Variants in PPP3CA observed in about 807,000 individuals in gnomAD.
The protein encoded by PPP3CA is protein phosphatase 3 catalytic subunit alpha.
A neutral mutation model predicts 66.5 loss-of-function variants in PPP3CA; 14 were observed. That is an observed-to-expected ratio of 0.21 (90% CI 0.14 to 0.33). PPP3CA has a LOEUF of 0.33. Ranked by LOEUF, PPP3CA falls within the 10% of genes least tolerant of loss-of-function variation. PPP3CA has a pLI of 1.00. For missense variants in PPP3CA, 317 were observed against 639.5 expected (o/e 0.50, Z 5.44); for synonymous variants, 232 against 226.2 (o/e 1.03, Z -0.23).
chr4:101,054,068 C>T (rs113826315), intron 10 of PPP3CA, among the ~76,000 whole-genome samples: 2,281 of 152,110 alleles, frequency 0.015, 60 homozygotes, highest in African/African-American at 0.051. Context: ...GAACAAGAAT[C>T]TTATCACCAC....
At chr4:101,310,773 A>C (rs1027165897) in intron 1 of PPP3CA, among the ~76,000 whole-genome samples, 2 of 152,210 alleles carry the variant, frequency 1.3e-5, no homozygotes, top group African/African-American at 4.8e-5. Context: ...TACACAACAA[A>C]ATTCAATACA....
chr4:101,286,414 G>A (rs867442004), intron 1 of PPP3CA, among the ~76,000 whole-genome samples: 11 of 152,280 alleles, frequency 7.2e-5, no homozygotes, highest in South Asian at 4.1e-4. Flanking sequence ...TAAAATACTT[G>A]CATATACTAT....
At chr4:101,253,833 C>T (rs976674438) in intron 1 of PPP3CA, among the ~76,000 whole-genome samples, 2 of 151,908 alleles carry the variant, frequency 1.3e-5, no homozygotes, top group African/African-American at 4.8e-5. Context: ...GAAGAGGCAG[C>T]ACCTCTCTTT....
chr4:101,253,174 A>T (rs546015961), intron 1 of PPP3CA, among the ~76,000 whole-genome samples: 43 of 152,352 alleles, frequency 2.8e-4, no homozygotes, highest in Admixed American at 9.8e-4. Context: ...ATGTTTATTT[A>T]ATGAAGTTAT....
intron 1 of PPP3CA, among the ~76,000 whole-genome samples, chr4:101,266,487 G>C (rs1014049883): frequency 6.6e-6 from 1 of 152,062 alleles, no homozygotes; most frequent in Non-Finnish European, 1.5e-5. Context: ...ATTATATAGC[G>C]TGATTAATCT....
Position 101,346,724 on chromosome 4 carries a change from C to A in PPP3CA, c.58+15G>T. On this transcript the variant is annotated intron_variant, in intron 1 of 13. Coordinates refer to ENST00000394854, the MANE Select transcript of PPP3CA (RefSeq NM_000944.5). Reference sequence around the variant, plus strand: ...GGCACACGGTGCACCCAGGCCACCGCGGCGCTCCGCTTACCTTTCACCACC... The same window carrying A: ...GGCACACGGTGCACCCAGGCCACCGAGGCGCTCCGCTTACCTTTCACCACC... 2 of 1,608,242 alleles carry A rather than the reference C, an allele frequency of 1.2e-6. No individual in the cohort carries two copies. The highest frequency in any genetic ancestry group is 2.2e-5 in the East Asian group (1 of 44,666).
At chr4:101,278,644 G>A (rs1047858163) in intron 1 of PPP3CA, among the ~76,000 whole-genome samples, 1 of 152,230 alleles carries the variant, frequency 6.6e-6, no homozygotes, top group Non-Finnish European at 1.5e-5. Flanking sequence ...TCTGAGGTGT[G>A]TCGGCAATGT....
At chr4:101,157,888 A>AAAAAC (rs1208982939) in intron 2 of PPP3CA, among the ~76,000 whole-genome samples, 3 of 151,160 alleles carry the variant, frequency 2.0e-5, no homozygotes, top group African/African-American at 7.3e-5. Flanking sequence ...AAAAAAAAAA[A>AAAAAC]ACCTCTCAGT....
At chr4:101,194,691 G>A (rs1254513966) in intron 2 of PPP3CA, among the ~76,000 whole-genome samples, 4 of 151,830 alleles carry the variant, frequency 2.6e-5, no homozygotes, top group South Asian at 2.1e-4. Context: ...CTCAGCCATC[G>A]AAGTAGCTGG....
At chr4:101,120,269 C>T (rs1305867605) in intron 2 of PPP3CA, among the ~76,000 whole-genome samples, 3 of 152,050 alleles carry the variant, frequency 2.0e-5, no homozygotes, top group African/African-American at 7.2e-5. Flanking sequence ...TGAATAAACA[C>T]TGAAGACTGG....
At position 101,156,446 on chromosome 4, in the gene PPP3CA, T is replaced by C. The variant is rs575384439; in HGVS notation, c.259+39470A>G. Reference sequence around the variant, plus strand: ...CTGTAATCCCAGCACTTTGGGAGGCTGAGGCCGGCAGATCACCTGAAGTCG... The same window carrying C: ...CTGTAATCCCAGCACTTTGGGAGGCCGAGGCCGGCAGATCACCTGAAGTCG... On this transcript the variant is annotated intron_variant, in intron 2 of 13. Transcript: ENST00000394854. Among the ~76,000 whole-genome samples, 11 of 152,270 alleles carry C rather than the reference T, an allele frequency of 7.2e-5. No homozygotes were observed. In the East Asian group the frequency reaches 2.1e-3, roughly 29 times the overall value.
At chr4:101,290,035 T>C (rs6841711) in intron 1 of PPP3CA, among the ~76,000 whole-genome samples, 13,159 of 152,094 alleles carry the variant, frequency 0.087, 1,723 homozygotes, top group African/African-American at 0.28. Flanking sequence ...CCCACATGCA[T>C]GTAATGAAGA....
At chr4:101,099,140 A>G (rs1730332404) in intron 4 of PPP3CA, among the ~76,000 whole-genome samples, 1 of 152,162 alleles carries the variant, frequency 6.6e-6, no homozygotes, top group Admixed American at 6.5e-5. Flanking sequence ...AATTGTAAGG[A>G]GGAAAAAGAA....
At chr4:101,105,613 C>G (rs1730631051) in intron 3 of PPP3CA, among the ~76,000 whole-genome samples, 1 of 151,626 alleles carries the variant, frequency 6.6e-6, no homozygotes, top group African/African-American at 2.4e-5. Flanking sequence ...AAATAAAGAA[C>G]AATAAGATTA....
At chr4:101,178,399 C>T (rs1384817493) in intron 2 of PPP3CA, among the ~76,000 whole-genome samples, 1 of 152,052 alleles carries the variant, frequency 6.6e-6, no homozygotes, top group African/African-American at 2.4e-5. Flanking sequence ...AGCAAAAAAT[C>T]AAAATCTGCT....
At chr4:101,033,287 CACACAA>C (rs1358892637) in intron 11 of PPP3CA, among the ~76,000 whole-genome samples, 96 of 71,796 alleles carry the variant, frequency 1.3e-3, no homozygotes, top group South Asian at 3.5e-3. Context: ...CACACACACA[CACACAA>C]ACACACACAC....
At chr4:101,158,369 C>G (rs774906524) in intron 2 of PPP3CA, 3 of 152,190 alleles carry the variant, frequency 2.0e-5, no homozygotes, top group Non-Finnish European at 4.4e-5. Flanking sequence ...AAATGGAAGC[C>G]TGGTGGGCAG....
At chr4:101,312,291 A>G (rs958273735) in intron 1 of PPP3CA, among the ~76,000 whole-genome samples, 6 of 152,182 alleles carry the variant, frequency 3.9e-5, no homozygotes, top group Non-Finnish European at 7.4e-5. Flanking sequence ...TCTACTTACA[A>G]TGACATTACA....
intron 1 of PPP3CA, among the ~76,000 whole-genome samples, chr4:101,295,380 G>C (rs1578639668): frequency 6.7e-6 from 1 of 149,744 alleles, no homozygotes; most frequent in Non-Finnish European, 1.5e-5. Context: ...TTTATGAATA[G>C]TCAGGCAAAT....
Sources: gnomAD v4.1 joint callset for allele counts (sites outside exome capture counted in the v4.1 genomes callset) on GRCh38, gnomAD v4.1.1 for gene constraint, MANE v1.5 for transcripts, NCBI Gene and HGNC (gene_info 2026-07-23, HGNC 2026-07-21) for gene names.